The following SLC37A1 variants were observed in gnomAD, a reference collection of about 807,000 sequenced individuals.
SLC37A1 encodes the protein solute carrier family 37 member 1, also known as glucose-6-phosphate exchanger SLC37A1.
SLC37A1 carries 49 observed loss-of-function variants against 75.3 expected under a neutral mutation model. The ratio of observed to expected loss-of-function variants is 0.65; its 90% CI spans 0.52 to 0.83. The LOEUF is 0.83. SLC37A1 is among the 40% of genes least tolerant of loss of function. The pLI, the probability that SLC37A1 is intolerant of heterozygous loss-of-function variation, is 0.00. For synonymous variants in SLC37A1, 268 were observed against 292.1 expected (o/e 0.92, Z 0.84); for missense variants, 566 against 695.0 (o/e 0.81, Z 2.09).
Position 42,539,651 on chromosome 21 carries a change from A to AG in SLC37A1, c.486+7dup. On this transcript the variant is annotated splice_donor_region_variant and intron_variant, in intron 6 of 19. Transcript: ENST00000352133. ...CGGATTCTACGTGGTAACTCAGGTAAGGGTTTGGATCCGTGGCTCACCATG... is the reference window on the plus strand; with the variant it reads ...CGGATTCTACGTGGTAACTCAGGTAAGGGGTTTGGATCCGTGGCTCACCATG... 1 of 1,612,542 alleles carries AG rather than the reference A, an allele frequency of 6.2e-7. No homozygotes were observed.
intron 1 of SLC37A1, among the ~76,000 whole-genome samples, chr21:42,516,168 C>G (rs1403532051): frequency 6.6e-6 from 1 of 152,222 alleles, no homozygotes; most frequent in Non-Finnish European, 1.5e-5. Context: ...AAAAAAGTAT[C>G]TCTTCTTTTT....
At chr21:42,570,579 G>A (rs1263013730) in intron 17 of SLC37A1, among the ~76,000 whole-genome samples, 1 of 152,186 alleles carries the variant, frequency 6.6e-6, no homozygotes, top group Non-Finnish European at 1.5e-5. Context: ...TTGGCCTTGT[G>A]CCTCAGTGGA....
At chr21:42,542,572 T>C in intron 7 of SLC37A1, 92 bp downstream of exon 7, 1 of 1,214,682 alleles carries the variant, frequency 8.2e-7, no homozygotes, top group Non-Finnish European at 1.2e-6. Context: ...CAAAAACACT[T>C]TAGTATCCTC....
Position 42,547,505 on chromosome 21 carries a change from T to C in SLC37A1, c.768+365T>C. On this transcript the variant is annotated intron_variant, in intron 9 of 19. Transcript: ENST00000352133. The surrounding 1 kb of genome is among the most constrained non-coding windows in gnomAD (Gnocchi z 6.1). ...AGCTGCCTGCCATCACTTAAGTTGGTGGCTGCACGTCTCAGGTGGCCGAGA... is the reference window on the plus strand; with the variant it reads ...AGCTGCCTGCCATCACTTAAGTTGGCGGCTGCACGTCTCAGGTGGCCGAGA... 8.4e-6 allele frequency: 2 copies of C among 239,196 alleles called. No homozygotes were observed. The highest frequency in any genetic ancestry group is 1.0e-4 in the Admixed American group (2 of 19,362). The allele number at this position is 239,196 out of a possible 1,614,324, so 14.8% of individuals were successfully genotyped here. A position where few individuals can be genotyped will look rare whatever the true frequency, so the allele number is the denominator to read the frequency against.
chr21:42,580,598 A>C lies in SLC37A1; in HGVS notation c.*238A>C. On this transcript the variant is annotated 3_prime_UTR_variant, in exon 20 of 20. Coordinates refer to ENST00000352133, the MANE Select transcript of SLC37A1 (RefSeq NM_001320537.2). The stretch of plus-strand genomic sequence containing the variant: ...ACTGCTGCCTGAGCCAAGCCAGAGA[A>C]CCGAAGACCCGGCCGGCCCTGGCCT... The C allele has an allele frequency of 2.9e-6, 1 of 349,496 alleles. No homozygotes were observed. The highest frequency in any genetic ancestry group is 5.3e-6 in the Non-Finnish European group (1 of 188,900). 21.6% of individuals were successfully genotyped at this position (349,496 alleles called of 1,614,324 possible).
intron 1 of SLC37A1, among the ~76,000 whole-genome samples, chr21:42,502,056 G>A (rs1218836833): frequency 6.6e-6 from 1 of 152,188 alleles, no homozygotes; most frequent in African/African-American, 2.4e-5. Flanking sequence ...AGGATGAAAT[G>A]ATTTGGAAGT....
rs1195468008 is a variant in SLC37A1 at position 42,574,862 on chromosome 21, G to T, written c.1468G>T (p.Gly490Cys). 4 of 1,614,128 alleles carry T rather than the reference G, an allele frequency of 2.5e-6. No individual in the cohort carries two copies. Among genetic ancestry groups the T allele is most frequent in the Non-Finnish European group, 2.5e-6 (3 of 1,180,008 alleles). Reference sequence around the variant, plus strand: ...GCTGGCTGGGCTCCTCTCCCCGTCCGGCTGGAGCAATGTGTTTTACATGCT... The same window carrying T: ...GCTGGCTGGGCTCCTCTCCCCGTCCTGCTGGAGCAATGTGTTTTACATGCT... ...PLLAGLLSPS[G>C]WSNVFYMLMF... Residue 490 changes from glycine to cysteine, a missense_variant, in exon 18 of 20, where the codon GGC becomes TGC. By Grantham distance (159) the Gly-to-Cys change is radical. Coordinates refer to ENST00000352133, the MANE Select transcript of SLC37A1 (RefSeq NM_001320537.2).
intron 17 of SLC37A1, among the ~76,000 whole-genome samples, chr21:42,569,905 C>T (rs754149129): frequency 6.6e-6 from 1 of 152,264 alleles, no homozygotes; most frequent in African/African-American, 2.4e-5. Flanking sequence ...CAGGCGCCCC[C>T]GCCCAGCCCT....
At chr21:42,566,351 C>T (rs1369118121) in intron 15 of SLC37A1, among the ~76,000 whole-genome samples, 3 of 152,158 alleles carry the variant, frequency 2.0e-5, no homozygotes, top group African/African-American at 7.2e-5. Flanking sequence ...GCAGGTGGCC[C>T]CCCAGCCACC....
chr21:42,543,630 C>A, intron 8 of SLC37A1, 28 bp downstream of exon 8: 1 of 1,556,100 alleles, frequency 6.4e-7, no homozygotes, highest in South Asian at 1.2e-5. Context: ...TGGAGACCAC[C>A]CACCAAGGGA....
At chr21:42,550,964 T>C (rs957838835) in intron 9 of SLC37A1, among the ~76,000 whole-genome samples, 5 of 152,326 alleles carry the variant, frequency 3.3e-5, no homozygotes, top group South Asian at 2.1e-4. Context: ...CACCTCACAG[T>C]GTGCTTAATG....
intron 2 of SLC37A1, among the ~76,000 whole-genome samples, chr21:42,504,432 A>G (rs576840060): frequency 1.3e-5 from 2 of 152,352 alleles, no homozygotes; most frequent in African/African-American, 4.8e-5. Context: ...CAAGTTGGAC[A>G]TCGAGGTATG....
rs190705878 is a variant in SLC37A1, at chr21:42,539,867, A to G, written c.486+220A>G. Among the ~76,000 whole-genome samples the G allele has an allele frequency of 9.2e-5, 14 of 152,338 alleles. No homozygotes were observed. In the East Asian group the frequency reaches 2.5e-3, roughly 27 times the overall value. The stretch of plus-strand genomic sequence containing the variant: ...CCTTAATTTCAGGAGTTGCCTCGTA[A>G]AAAATGCTGTCTGTCAGTGCCCCGG... On this transcript the variant is annotated intron_variant, in intron 6 of 19. Transcript: ENST00000352133.
intron 17 of SLC37A1, among the ~76,000 whole-genome samples, chr21:42,569,940 G>A (rs142133373): frequency 1.3e-3 from 200 of 152,028 alleles, no homozygotes; most frequent in African/African-American, 4.3e-3. Context: ...CCAGCTCCAC[G>A]CTGCTGCTGC....
At chr21:42,529,918 TAAAA>T (rs1230782813) in intron 3 of SLC37A1, among the ~76,000 whole-genome samples, 1 of 151,880 alleles carries the variant, frequency 6.6e-6, no homozygotes, top group Admixed American at 6.5e-5. Context: ...CCCAGTGAAA[TAAAA>T]AACACTACAG....
chr21:42,571,339 T>C (rs2056159125), intron 17 of SLC37A1, among the ~76,000 whole-genome samples: 1 of 152,220 alleles, frequency 6.6e-6, no homozygotes, highest in South Asian at 2.1e-4. Context: ...TGACACGGTG[T>C]GCGCCTGGGG....
intron 18 of SLC37A1, chr21:42,575,940 G>A (rs1001679526): frequency 4.1e-6 from 4 of 985,050 alleles, no homozygotes; most frequent in Non-Finnish European, 4.8e-6. Context: ...TAAAATTCCT[G>A]TCATTACAAC....
At chr21:42,503,146 T>C (rs964676230) in intron 2 of SLC37A1, among the ~76,000 whole-genome samples, 1 of 152,044 alleles carries the variant, frequency 6.6e-6, no homozygotes, top group African/African-American at 2.4e-5. Context: ...CTTAAGGATA[T>C]ACCAAAATTA....
chr21:42,534,745 G>C lies in SLC37A1; in HGVS notation c.186G>C (p.Arg62Ser). ...CTGCTTGGGATGAAGCTGACGTCAG[G>C]TTCAGCAGCCAGAACAGGAAGTCTG... ...YCTAWDEADVRFSSQNRKSGS... is the reference protein window; with the variant it reads ...YCTAWDEADVSFSSQNRKSGS... The change falls in exon 4 of 20, where the codon AGG (arginine) becomes AGC (serine). Residue 62 changes from arginine to serine, a missense_variant. Transcript: ENST00000352133. 6.2e-7 allele frequency: 1 copy of C among 1,614,012 alleles called. No individual in the cohort carries two copies. Among genetic ancestry groups the C allele is most frequent in the South Asian group, 1.1e-5 (1 of 91,036 alleles).
Sources: gnomAD v4.1 joint callset for allele counts (sites outside exome capture counted in the v4.1 genomes callset) on GRCh38, gnomAD v4.1.1 for gene constraint, Gnocchi (gnomAD v3.1) non-coding constraint, MANE v1.5 for transcripts, NCBI Gene and HGNC (gene_info 2026-07-23, HGNC 2026-07-21) for gene names.